SLC25A3: variants seen among roughly 807,000 people sequenced by gnomAD.
The protein encoded by SLC25A3 is phosphate transport protein.
SLC25A3 carries 14 observed loss-of-function variants against 37.1 expected under a neutral mutation model. The ratio of observed to expected loss-of-function variants is 0.38; its 90% CI spans 0.25 to 0.59. SLC25A3 has a LOEUF of 0.59. SLC25A3 is among the 20% of genes least tolerant of loss of function. The probability of loss-of-function intolerance (pLI) is 0.67; values close to 1 mark genes in which losing one functional copy is unlikely to be tolerated. For missense variants in SLC25A3, 385 were observed against 458.1 expected (o/e 0.84, Z 1.46); for synonymous variants, 161 against 168.7 (o/e 0.95, Z 0.36).
In SLC25A3 at chr12:98,593,913, G is replaced by A. The variant is rs932891908; in HGVS notation, c.-4-62G>A. On this transcript the variant is annotated intron_variant, in intron 1 of 7. Transcript: ENST00000552981. ...GAAAAGGCCCCGGTTGGGGTTCCAG[G>A]GCGCCGGTAACGTTAACCGGCGCCT... 7 of 1,603,012 alleles carry A rather than the reference G, an allele frequency of 4.4e-6. No individual in the cohort carries two copies. The Admixed American group carries it at 8.4e-5, about 19-fold the overall frequency.
rs1592977029 is a variant in SLC25A3 at position 98,597,912 on chromosome 12, G to A, written c.336G>A (p.Glu112=). 6.2e-7 allele frequency: 1 copy of A among 1,614,126 alleles called. No individual in the cohort carries two copies. Among genetic ancestry groups the A allele is most frequent in the Non-Finnish European group, 8.5e-7 (1 of 1,180,024 alleles). ...IFNGFSVTLK[E]DGVRGLAKGW... Reference sequence around the variant, plus strand: ...ACGGATTCTCAGTTACACTTAAAGAGGATGGTGTTCGTGGTTTGGCTAAAG... The same window carrying A: ...ACGGATTCTCAGTTACACTTAAAGAAGATGGTGTTCGTGGTTTGGCTAAAG... Residue 112 remains glutamate (E), a synonymous_variant, in exon 4 of 8, where the codon GAG becomes GAA. Transcript: ENST00000552981.
rs768693537 is a variant in SLC25A3, at chr12:98,595,712, C to T, written c.158-15C>T. ...TTTTATATTAAAATGCATGGTGTGT[C>T]TTCTCTTACTACAGAGTACAGTTGT... is the stretch of plus-strand genomic sequence containing the variant. On this transcript the variant is annotated splice_polypyrimidine_tract_variant and intron_variant, in intron 2 of 7. Transcript: ENST00000552981. The T allele has an allele frequency of 1.9e-6, 3 of 1,614,030 alleles. No individual in the cohort carries two copies. The highest frequency in any genetic ancestry group is 2.2e-5 in the East Asian group (1 of 44,896).
At chr12:98,598,759 A>AT (rs1160379378) in intron 5 of SLC25A3, 56 bp downstream of exon 5, 599 of 1,418,482 alleles carry the variant, frequency 4.2e-4, no homozygotes, top group Non-Finnish European at 4.8e-4. Flanking sequence ...AGTGAACTTC[A>AT]TTTTTTTTTG....
In SLC25A3 at chr12:98,601,617, G is replaced by T; in HGVS notation, c.*89G>T. The T allele has an allele frequency of 1.2e-6, 1 of 851,082 alleles. No homozygotes were observed. The allele number at this position is 851,082 out of a possible 1,614,324, so 52.7% of individuals were successfully genotyped here. A position where few individuals can be genotyped will look rare whatever the true frequency, so the allele number is the denominator to read the frequency against. On this transcript the variant is annotated 3_prime_UTR_variant, in exon 8 of 8. Coordinates refer to ENST00000552981, the MANE Select transcript of SLC25A3 (RefSeq NM_002635.4). ...AACTTTTATATATTTGACAGTGTAG[G>T]AAATTGTCTATTCCTGATATAATTA...
rs1053154695 is a variant in SLC25A3 at position 98,602,983 on chromosome 12, T to C, written c.*1455T>C. On this transcript the variant is annotated 3_prime_UTR_variant, in exon 8 of 8. Coordinates refer to ENST00000552981, the MANE Select transcript of SLC25A3 (RefSeq NM_002635.4). ...ATCATTGCCTGAACTTGTTAAAGGT[T>C]CCAACATTTTACCTGTGCTGCAGGA... 6.6e-6 allele frequency: 1 copy of C among 152,236 alleles called. No individual in the cohort carries two copies. Among genetic ancestry groups the C allele is most frequent in the African/African-American group, 2.4e-5 (1 of 41,466 alleles). The allele number at this position is 152,236 out of a possible 1,614,324, so 9.4% of individuals were successfully genotyped here. A position where few individuals can be genotyped will look rare whatever the true frequency, so the allele number is the denominator to read the frequency against.
intron 4 of SLC25A3, 60 bp downstream of exon 4, chr12:98,598,095 A>AAAG: frequency 6.3e-7 from 1 of 1,575,142 alleles, no homozygotes; most frequent in Non-Finnish European, 8.7e-7. Context: ...GAGTGTTCTT[A>AAAG]GATTTTTGTC....
intron 2 of SLC25A3, chr12:98,594,477 C>A: frequency 1.6e-6 from 1 of 643,122 alleles, no homozygotes; most frequent in East Asian, 2.7e-5. Flanking sequence ...AACTACTGAC[C>A]ACCCACAGTT....
Position 98,602,554 on chromosome 12 carries a change from A to G in SLC25A3, c.*1026A>G, listed in dbSNP as rs922645743. The G allele has an allele frequency of 9.2e-5, 14 of 152,222 alleles. No homozygotes were observed. The highest frequency in any genetic ancestry group is 3.4e-4 in the African/African-American group (14 of 41,448). The allele number at this position is 152,222 out of a possible 1,614,324, so 9.4% of individuals were successfully genotyped here. On this transcript the variant is annotated 3_prime_UTR_variant, in exon 8 of 8. Coordinates refer to ENST00000552981, the MANE Select transcript of SLC25A3 (RefSeq NM_002635.4). ...CTGAACTATATGAATGCCACTGGGG[A>G]AAAAGCATTCCATCATACTTAGATA...
Position 98,600,528 on chromosome 12 carries a change from T to G in SLC25A3, c.814+401T>G, listed in dbSNP as rs796573563. Among the ~76,000 whole-genome samples, 8 of 152,230 alleles carry G rather than the reference T, an allele frequency of 5.3e-5. No homozygotes were observed. The South Asian group carries it at 1.7e-3, about 32-fold the overall frequency. ...CCTGGGTTCAAGCGATTCTCCTGTC[T>G]CAGCCTCCTGAGTAGCTGGGATTGC... is the stretch of plus-strand genomic sequence containing the variant. On this transcript the variant is annotated intron_variant, in intron 6 of 7. Transcript: ENST00000552981.
At chr12:98,594,349 G>A (rs1490539642) in intron 2 of SLC25A3, 12 of 703,056 alleles carry the variant, frequency 1.7e-5, no homozygotes, top group Admixed American at 6.0e-5. Context: ...AAGCGCTGAG[G>A]CCCTGTGTCC....
intron 2 of SLC25A3, chr12:98,595,305 C>A: frequency 9.9e-7 from 1 of 1,014,120 alleles, no homozygotes; most frequent in Non-Finnish European, 1.5e-6. Context: ...TTTTAAGCCA[C>A]TTAATTGTGG....
intron 5 of SLC25A3, 156 bp from the exon 6 acceptor site, chr12:98,599,799 C>T (rs767560277): frequency 2.4e-6 from 2 of 846,556 alleles, no homozygotes; most frequent in Non-Finnish European, 2.0e-6. Context: ...AATATACCTG[C>T]ATGTTAGTCT....
rs1283349413 is a variant in SLC25A3, at chr12:98,606,029, C to G, written c.*4501C>G. 2 of 151,688 alleles carry G rather than the reference C, an allele frequency of 1.3e-5. No homozygotes were observed. Among genetic ancestry groups the G allele is most frequent in the Non-Finnish European group, 2.9e-5 (2 of 67,934 alleles). 9.4% of individuals were successfully genotyped at this position (151,688 alleles called of 1,614,324 possible). A position where few individuals can be genotyped will look rare whatever the true frequency, so the allele number is the denominator to read the frequency against. On this transcript the variant is annotated 3_prime_UTR_variant, in exon 8 of 8. Transcript: ENST00000552981. ...ACTTAGGAAGCTGAAGGAGGATCGT[C>G]TGAGCCCAGGAGTTTGAGGCTGCAA...
intron 5 of SLC25A3, among the ~76,000 whole-genome samples, chr12:98,599,287 A>C (rs890465645): frequency 5.3e-5 from 8 of 151,388 alleles, no homozygotes; most frequent in African/African-American, 1.5e-4. Flanking sequence ...TCCTGACCTC[A>C]GGTGATCCAC....
intron 5 of SLC25A3, among the ~76,000 whole-genome samples, chr12:98,599,218 C>T (rs181078141): frequency 6.8e-4 from 104 of 152,178 alleles, no homozygotes; most frequent in Middle Eastern, 6.8e-3. Context: ...TGCACCACCA[C>T]GCCTGGCTAA....
Position 98,598,094 on chromosome 12 carries a change from T to A in SLC25A3, c.459+59T>A, listed in dbSNP as rs763355292. 15 of 1,574,460 alleles carry A rather than the reference T, an allele frequency of 9.5e-6. No homozygotes were observed. In the East Asian group the frequency reaches 3.4e-4, roughly 35 times the overall value. On this transcript the variant is annotated intron_variant, in intron 4 of 7. Coordinates refer to ENST00000552981, the MANE Select transcript of SLC25A3 (RefSeq NM_002635.4). The stretch of plus-strand genomic sequence containing the variant: ...GTGTTTAAGACTTTCCGAGTGTTCT[T>A]AGATTTTTGTCTGTCTTGCCTTATT...
At chr12:98,599,828 A>T in intron 5 of SLC25A3, 127 bp from the exon 6 acceptor site, 1 of 942,848 alleles carries the variant, frequency 1.1e-6, no homozygotes, top group Non-Finnish European at 1.7e-6. Flanking sequence ...GATAGAAATG[A>T]CATGCATTTA....
At position 98,600,041 on chromosome 12, in the gene SLC25A3, C is replaced by T; in HGVS notation, c.728C>T (p.Ala243Val). ...GCCTGCTTTGAACGTACTGTTGAAG[C>T]ACTGTACAAGTTTGTGGTTCCTAAG... ...KFACFERTVE[A>V]LYKFVVPKPR... The change falls in exon 6 of 8, where the codon GCA becomes GTA. Residue 243 changes from alanine to valine, a missense_variant. Around this residue, in one of 2 missense-constraint regions of SLC25A3, gnomAD observed 276 missense variants for 367.6 expected, o/e 0.75. Coordinates refer to ENST00000552981, the MANE Select transcript of SLC25A3 (RefSeq NM_002635.4). 6.2e-7 allele frequency: 1 copy of T among 1,614,008 alleles called. No homozygotes were observed. Among genetic ancestry groups the T allele is most frequent in the Non-Finnish European group, 8.5e-7 (1 of 1,179,862 alleles).
chr12:98,599,653 C>T (rs2097596068), intron 5 of SLC25A3: 1 of 574,878 alleles, frequency 1.7e-6, no homozygotes, highest in Non-Finnish European at 3.4e-6. Flanking sequence ...TCCTTAGATC[C>T]ACCTTTGTGG....
Sources: gnomAD v4.1 joint callset for allele counts (sites outside exome capture counted in the v4.1 genomes callset) on GRCh38, gnomAD v4.1.1 for gene constraint, gnomAD v4.1.1 regional missense constraint, MANE v1.5 for transcripts, NCBI Gene and HGNC (gene_info 2026-07-23, HGNC 2026-07-21) for gene names.